Variants in SGCZ observed in about 807,000 individuals in gnomAD.
The protein encoded by SGCZ is sarcoglycan zeta.
In SGCZ, 40 loss-of-function variants were observed where a neutral mutation model predicts 41.3. The ratio of observed to expected loss-of-function variants is 0.97; its 90% CI spans 0.75 to 1.26. SGCZ has a LOEUF of 1.26. Among genes scored for constraint, SGCZ ranks in the 50% most tolerant of loss-of-function variants. The probability of loss-of-function intolerance (pLI) is 0.00; values close to 1 mark genes in which losing one functional copy is unlikely to be tolerated. For synonymous variants in SGCZ, 206 were observed against 137.5 expected (o/e 1.50, Z -3.49); for missense variants, 552 against 369.8 (o/e 1.49, Z -4.04).
At chr8:14,225,115 A>T (rs894066772) in intron 4 of SGCZ, among the ~76,000 whole-genome samples, 10 of 152,140 alleles carry the variant, frequency 6.6e-5, no homozygotes, top group Non-Finnish European at 1.3e-4. Flanking sequence ...AGTTTGTACT[A>T]GTTTTACGTT....
At chr8:14,612,874 C>T (rs768194550) in intron 1 of SGCZ, among the ~76,000 whole-genome samples, 6 of 152,000 alleles carry the variant, frequency 3.9e-5, no homozygotes, top group South Asian at 2.1e-4. Flanking sequence ...TTAGTAGATA[C>T]GGGGTTTCAC....
intron 1 of SGCZ, among the ~76,000 whole-genome samples, chr8:15,031,897 A>G (rs933707896): frequency 7.1e-5 from 6 of 84,476 alleles, no homozygotes; most frequent in Non-Finnish European, 1.5e-4. Flanking sequence ...TATACCCTCT[A>G]TATTCCTCTC....
At chr8:15,018,493 G>A (rs1018937469) in intron 1 of SGCZ, among the ~76,000 whole-genome samples, 1 of 152,180 alleles carries the variant, frequency 6.6e-6, no homozygotes, top group Admixed American at 6.6e-5. Context: ...GCTGAGACAG[G>A]AATGATAAAG....
At chr8:14,284,528 C>T (rs982056416) in intron 3 of SGCZ, among the ~76,000 whole-genome samples, 7 of 152,098 alleles carry the variant, frequency 4.6e-5, no homozygotes, top group Non-Finnish European at 8.8e-5. Context: ...ACTTTTTATT[C>T]CGTACGTAGA....
chr8:15,010,571 C>T (rs1487048413), intron 1 of SGCZ, among the ~76,000 whole-genome samples: 5 of 152,222 alleles, frequency 3.3e-5, no homozygotes, highest in African/African-American at 1.2e-4. Context: ...GCATGTGTCC[C>T]TAATCATGCG....
intron 3 of SGCZ, among the ~76,000 whole-genome samples, chr8:14,255,528 A>T (rs1450002289): frequency 6.6e-6 from 1 of 152,160 alleles, no homozygotes; most frequent in Non-Finnish European, 1.5e-5. Flanking sequence ...ATAAAAAGAC[A>T]ATTACATTAT....
chr8:14,334,539 G>T (rs1802444896), intron 2 of SGCZ, among the ~76,000 whole-genome samples: 1 of 151,950 alleles, frequency 6.6e-6, no homozygotes, highest in Non-Finnish European at 1.5e-5. Context: ...TTCCCTAATA[G>T]TCTTCATTAT....
chr8:14,951,574 T>C (rs1800638637), intron 1 of SGCZ, among the ~76,000 whole-genome samples: 1 of 152,050 alleles, frequency 6.6e-6, no homozygotes. Flanking sequence ...TATCAAAATT[T>C]AAATGTAGAA....
intron 1 of SGCZ, among the ~76,000 whole-genome samples, chr8:14,964,603 C>G (rs775064092): frequency 6.6e-6 from 1 of 152,182 alleles, no homozygotes; most frequent in East Asian, 1.9e-4. Flanking sequence ...CAATCCCACA[C>G]GTAGCTTTGC....
At chr8:14,869,331 CAA>C (rs1184179080) in intron 1 of SGCZ, among the ~76,000 whole-genome samples, 5 of 152,088 alleles carry the variant, frequency 3.3e-5, no homozygotes, top group Non-Finnish European at 5.9e-5. Flanking sequence ...GAATCAATCA[CAA>C]AAAACACATG....
intron 1 of SGCZ, among the ~76,000 whole-genome samples, chr8:15,130,660 G>C (rs1009253237): frequency 6.6e-6 from 1 of 152,106 alleles, no homozygotes; most frequent in Non-Finnish European, 1.5e-5. Context: ...AAGAATAAAT[G>C]ATATAATGAG....
rs534208454 is a variant in SGCZ at position 15,091,118 on chromosome 8, A to T, written c.39+146467T>A. 3.3e-5 allele frequency among the ~76,000 whole-genome samples: 5 copies of T among 152,338 alleles called. No homozygotes were observed. In the South Asian group the frequency reaches 1.0e-3, roughly 32 times the overall value. On this transcript the variant is annotated intron_variant, in intron 1 of 7. Transcript: ENST00000382080. ...ATACTTGAACTGGTAGAGTAATCTTAAATAGACTTTTCTTTATATTTTTTT... is the reference window on the plus strand; with the variant it reads ...ATACTTGAACTGGTAGAGTAATCTTTAATAGACTTTTCTTTATATTTTTTT...
intron 1 of SGCZ, among the ~76,000 whole-genome samples, chr8:14,586,500 A>G (rs1805062078): frequency 6.6e-6 from 1 of 152,218 alleles, no homozygotes; most frequent in East Asian, 1.9e-4. Flanking sequence ...GGCATTAGCC[A>G]CCACGCCCAG....
chr8:14,226,987 T>C (rs910891155), intron 4 of SGCZ, among the ~76,000 whole-genome samples: 6 of 152,132 alleles, frequency 3.9e-5, no homozygotes, highest in African/African-American at 1.4e-4. Context: ...CTTCCCCAGA[T>C]ACATTTACCT....
intron 4 of SGCZ, among the ~76,000 whole-genome samples, chr8:14,200,236 G>T (rs1412506321): frequency 2.0e-5 from 3 of 152,152 alleles, no homozygotes; most frequent in Non-Finnish European, 4.4e-5. Context: ...TGGTGGGATA[G>T]ACTGTGTTCA....
intron 2 of SGCZ, among the ~76,000 whole-genome samples, chr8:14,339,518 T>C (rs1323006792): frequency 2.6e-5 from 4 of 152,222 alleles, no homozygotes; most frequent in Admixed American, 2.6e-4. Flanking sequence ...TCATCGTCAA[T>C]GTTTTCTTTT....
chr8:14,906,255 G>A (rs1003414167), intron 1 of SGCZ, among the ~76,000 whole-genome samples: 4 of 152,118 alleles, frequency 2.6e-5, no homozygotes, highest in Non-Finnish European at 5.9e-5. Context: ...TGGAAAATAT[G>A]AGGATCATAA....
At chr8:14,608,053 G>C (rs1023814183) in intron 1 of SGCZ, among the ~76,000 whole-genome samples, 3 of 152,154 alleles carry the variant, frequency 2.0e-5, no homozygotes, top group African/African-American at 7.2e-5. Context: ...TTAACTGTCA[G>C]CAGGAAAAGC....
chr8:14,185,352 G>A (rs999060234), intron 4 of SGCZ, among the ~76,000 whole-genome samples: 2 of 152,016 alleles, frequency 1.3e-5, no homozygotes, highest in Non-Finnish European at 2.9e-5. Flanking sequence ...GCAGTGAGCC[G>A]AGATCACGCC....
Sources: gnomAD v4.1 joint callset for allele counts (sites outside exome capture counted in the v4.1 genomes callset) on GRCh38, gnomAD v4.1.1 for gene constraint, MANE v1.5 for transcripts, NCBI Gene and HGNC (gene_info 2026-07-23, HGNC 2026-07-21) for gene names.